CCDC102B: variants seen among roughly 807,000 people sequenced by gnomAD.
CCDC102B encodes the protein coiled-coil domain-containing protein 102B.
A neutral mutation model predicts 57.4 loss-of-function variants in CCDC102B; 75 were observed. The ratio of observed to expected loss-of-function variants is 1.31; its 90% CI spans 1.08 to 1.58. The LOEUF (loss-of-function observed/expected upper bound fraction) is 1.58. Among genes scored for constraint, CCDC102B ranks in the 40% most tolerant of loss-of-function variants. CCDC102B has a pLI of 0.00. For synonymous variants in CCDC102B, 206 were observed against 201.9 expected, an observed-to-expected ratio of 1.02 and a Z score of -0.17; for missense variants, 636 against 582.6, an observed-to-expected ratio of 1.09 and a Z score of -0.94.
chr18:68,778,556 A>T (rs1003313826), intron 2 of CCDC102B, among the ~76,000 whole-genome samples: 1 of 152,100 alleles, frequency 6.6e-6, no homozygotes, highest in African/African-American at 2.4e-5. Flanking sequence ...TAAGTAGTGA[A>T]CAAACAAAGA....
chr18:68,880,356 C>G (rs866690778), intron 5 of CCDC102B, among the ~76,000 whole-genome samples: 6 of 152,210 alleles, frequency 3.9e-5, no homozygotes, highest in African/African-American at 9.6e-5. Context: ...CGCGCAGCCC[C>G]GGTTCCTGCT....
intron 6 of CCDC102B, among the ~76,000 whole-genome samples, chr18:69,009,311 C>T (rs561998266): frequency 9.9e-5 from 15 of 152,164 alleles, no homozygotes; most frequent in East Asian, 9.7e-4. Context: ...GCGTCCCTTA[C>T]GCCCAGATTG....
chr18:68,842,093 A>G (rs1473346744), intron 3 of CCDC102B, among the ~76,000 whole-genome samples: 1 of 152,034 alleles, frequency 6.6e-6, no homozygotes, highest in Non-Finnish European at 1.5e-5. Context: ...GCTTCATTAA[A>G]TGTTCAATTT....
At chr18:68,914,679 AC>A (rs1372507780) in intron 6 of CCDC102B, among the ~76,000 whole-genome samples, 2 of 152,178 alleles carry the variant, frequency 1.3e-5, no homozygotes, top group African/African-American at 4.8e-5. Context: ...TCACTGATTC[AC>A]CAGAAATTGG....
At chr18:68,908,906 G>A (rs1382156251) in intron 6 of CCDC102B, among the ~76,000 whole-genome samples, 1 of 152,038 alleles carries the variant, frequency 6.6e-6, no homozygotes, top group Non-Finnish European at 1.5e-5. Flanking sequence ...TTTTAACTGT[G>A]TTTAAGTGGC....
intron 6 of CCDC102B, among the ~76,000 whole-genome samples, chr18:68,941,644 C>T (rs1469241399): frequency 2.0e-5 from 3 of 152,018 alleles, no homozygotes; most frequent in African/African-American, 4.8e-5. Context: ...AATAAATGCC[C>T]AGCATTGACA....
intron 6 of CCDC102B, among the ~76,000 whole-genome samples, chr18:68,989,019 C>T (rs1032602728): frequency 2.0e-5 from 3 of 152,078 alleles, no homozygotes; most frequent in African/African-American, 7.2e-5. Context: ...GCTGTTACCT[C>T]CTCTCATATC....
At position 68,938,137 on chromosome 18, in the gene CCDC102B, A is replaced by G. The variant is rs571793670; in HGVS notation, c.1263+40709A>G. 2.4e-4 allele frequency among the ~76,000 whole-genome samples: 37 copies of G among 152,142 alleles called. 1 individual carries two copies. In the South Asian group the frequency reaches 6.0e-3, roughly 25 times the overall value. ...TATTAAGTCAAAATTTATACAATTG[A>G]GACAATGTTTGGAACGGAGCTTAAC... is the stretch of plus-strand genomic sequence containing the variant. On this transcript the variant is annotated intron_variant, in intron 6 of 7. Transcript: ENST00000360242.
chr18:68,972,000 C>A (rs1391855821), intron 6 of CCDC102B, among the ~76,000 whole-genome samples: 1 of 152,042 alleles, frequency 6.6e-6, no homozygotes, highest in Non-Finnish European at 1.5e-5. Context: ...TAAATTAATG[C>A]CTAGTATCTC....
chr18:69,030,407 G>T (rs1482646156), intron 7 of CCDC102B, among the ~76,000 whole-genome samples: 1 of 152,128 alleles, frequency 6.6e-6, no homozygotes, highest in African/African-American at 2.4e-5. Context: ...GAAAGATATG[G>T]CAATTGGCCT....
At chr18:68,945,558 T>A (rs910932469) in intron 6 of CCDC102B, among the ~76,000 whole-genome samples, 1 of 152,118 alleles carries the variant, frequency 6.6e-6, no homozygotes, top group South Asian at 2.1e-4. Flanking sequence ...GCAGGACATC[T>A]TATAATGTGC....
chr18:68,797,053 A>T (rs72958039), upstream of CCDC102B, among the ~76,000 whole-genome samples: 20,733 of 151,982 alleles, frequency 0.14, 1,638 homozygotes, highest in East Asian at 0.34. Flanking sequence ...ATTTAACATC[A>T]CGTGGGGAAA....
rs2050172185 is a variant in CCDC102B at position 68,966,656 on chromosome 18, A to G, written c.1264-44278A>G. Among the ~76,000 whole-genome samples the G allele has an allele frequency of 2.6e-5, 4 of 152,004 alleles. No homozygotes were observed. The South Asian group carries it at 6.2e-4, about 24-fold the overall frequency. On this transcript the variant is annotated intron_variant, in intron 6 of 7. Transcript: ENST00000360242. ...GTTGCCGCATTCCCTGCTGTATCTC[A>G]TTGTTAATGTTTGTAGTGTGGTGTT...
At chr18:69,038,942 T>A (rs965417786) in intron 7 of CCDC102B, among the ~76,000 whole-genome samples, 10 of 152,022 alleles carry the variant, frequency 6.6e-5, no homozygotes, top group Non-Finnish European at 5.9e-5. Context: ...AGGCTACACA[T>A]TTTTATTAAA....
At chr18:68,819,197 A>G (rs2036602719) in intron 1 of CCDC102B, among the ~76,000 whole-genome samples, 1 of 151,988 alleles carries the variant, frequency 6.6e-6, no homozygotes, top group South Asian at 2.1e-4. Context: ...ATCATGAATG[A>G]TTTTTCTTAG....
chr18:68,960,535 T>G, intron 6 of CCDC102B, among the ~76,000 whole-genome samples: 1 of 152,114 alleles, frequency 6.6e-6, no homozygotes, highest in South Asian at 2.1e-4. Flanking sequence ...CGGAGTGGTG[T>G]GAACCTCAAG....
chr18:68,912,586 G>A (rs1313965142), intron 6 of CCDC102B, among the ~76,000 whole-genome samples: 2 of 152,148 alleles, frequency 1.3e-5, no homozygotes, highest in African/African-American at 4.8e-5. Context: ...TTTATATGAT[G>A]ACAGTGTCTT....
chr18:68,984,955 T>C (rs2050686362), intron 6 of CCDC102B, among the ~76,000 whole-genome samples: 1 of 152,136 alleles, frequency 6.6e-6, no homozygotes, highest in Non-Finnish European at 1.5e-5. Flanking sequence ...TATAAGTAGG[T>C]ATCTAAGTCC....
At chr18:69,053,978 T>A in intron 7 of CCDC102B, 52 bp from the exon 8 acceptor site, 1 of 1,372,468 alleles carries the variant, frequency 7.3e-7, no homozygotes, top group Non-Finnish European at 1.0e-6. Context: ...GCCACCATGA[T>A]GTACTATAGA....
Sources: allele counts gnomAD v4.1 joint callset (sites outside exome capture counted in the v4.1 genomes callset), GRCh38; gene constraint gnomAD v4.1.1; transcripts MANE v1.5; gene names NCBI Gene and HGNC (gene_info 2026-07-23, HGNC 2026-07-21).